The following CACNA1E variants were observed in gnomAD, a reference collection of about 807,000 sequenced individuals.
The protein encoded by CACNA1E is voltage-dependent R-type calcium channel subunit alpha-1E.
A neutral mutation model predicts 259.2 loss-of-function variants in CACNA1E; 40 were observed. The observed-to-expected ratio is 0.15, with a 90% confidence interval of 0.12 to 0.20. The LOEUF is 0.20. Ranked by LOEUF, CACNA1E falls within the 10% of genes least tolerant of loss-of-function variation. The probability of loss-of-function intolerance (pLI) is 1.00; values close to 1 mark genes in which losing one functional copy is unlikely to be tolerated. For missense variants in CACNA1E, 1,874 were observed against 3,040.1 expected, an observed-to-expected ratio of 0.62 and a Z score of 9.02; for synonymous variants, 1,104 against 1,138.5, an observed-to-expected ratio of 0.97 and a Z score of 0.61.
intron 2 of CACNA1E, among the ~76,000 whole-genome samples, chr1:181,424,556 G>A (rs1263095748): frequency 6.6e-6 from 1 of 152,238 alleles, no homozygotes; most frequent in African/African-American, 2.4e-5. Flanking sequence ...GTCCTGTACT[G>A]GGAAGGAGGG....
At chr1:181,318,292 C>T (rs115039049) in intron 1 of CACNA1E, among the ~76,000 whole-genome samples, 2,025 of 152,252 alleles carry the variant, frequency 0.013, 61 homozygotes, top group African/African-American at 0.046. Context: ...CTAACCTTCT[C>T]GGAATCTCCT....
chr1:181,743,278 A>T (rs2102614846), intron 25 of CACNA1E, among the ~76,000 whole-genome samples: 1 of 152,288 alleles, frequency 6.6e-6, no homozygotes, highest in Non-Finnish European at 1.5e-5. Flanking sequence ...GGCTGGATCT[A>T]TGAAACCTTC....
chr1:181,567,010 C>A (rs888899797), intron 3 of CACNA1E, among the ~76,000 whole-genome samples: 1 of 152,086 alleles, frequency 6.6e-6, no homozygotes, highest in African/African-American at 2.4e-5. Flanking sequence ...CAGCTCCCCA[C>A]CACCAATTGT....
chr1:181,345,929 C>T (rs551988080), intron 1 of CACNA1E, among the ~76,000 whole-genome samples: 8 of 152,200 alleles, frequency 5.3e-5, no homozygotes, highest in Non-Finnish European at 1.2e-4. Flanking sequence ...GCTTCAGCTC[C>T]CCACAACGTG....
intron 7 of CACNA1E, among the ~76,000 whole-genome samples, chr1:181,707,829 T>C (rs1293884399): frequency 6.6e-6 from 1 of 152,152 alleles, no homozygotes; most frequent in African/African-American, 2.4e-5. Flanking sequence ...AGGCCTATTC[T>C]AGTCTAGGAA....
intron 1 of CACNA1E, among the ~76,000 whole-genome samples, chr1:181,333,637 T>C (rs1651455751): frequency 6.6e-6 from 1 of 152,164 alleles, no homozygotes; most frequent in Non-Finnish European, 1.5e-5. Context: ...TAATCCATCA[T>C]TCCTTCTTCA....
chr1:181,449,541 GA>G (rs1231796532), intron 2 of CACNA1E, among the ~76,000 whole-genome samples: 1 of 152,194 alleles, frequency 6.6e-6, no homozygotes, highest in Non-Finnish European at 1.5e-5. Flanking sequence ...CCTGGCTCCT[GA>G]GGAATTTATA....
chr1:181,727,141 C>T (rs1271686506), intron 18 of CACNA1E, among the ~76,000 whole-genome samples: 1 of 152,148 alleles, frequency 6.6e-6, no homozygotes, highest in Non-Finnish European at 1.5e-5. Flanking sequence ...AGAATTAAAA[C>T]AATGATTGGG....
At chr1:181,640,328 A>C (rs1298929833) in intron 6 of CACNA1E, among the ~76,000 whole-genome samples, 1 of 152,166 alleles carries the variant, frequency 6.6e-6, no homozygotes, top group Non-Finnish European at 1.5e-5. Context: ...CACTGCATCA[A>C]CGCTGATGTA....
At position 181,798,535 on chromosome 1, in the gene CACNA1E, C is replaced by T. The variant is rs1045261629; in HGVS notation, c.6643C>T (p.His2215Tyr). The T allele has an allele frequency of 6.2e-7, 1 of 1,613,786 alleles. No homozygotes were observed. Among genetic ancestry groups the T allele is most frequent in the African/African-American group, 1.3e-5 (1 of 74,944 alleles). The change falls in exon 48 of 48, where the codon CAC (histidine) becomes TAC (tyrosine). Residue 2215 changes from histidine (H) to tyrosine (Y), a missense_variant. His to Tyr is a moderately conservative substitution (Grantham distance 83, BLOSUM62 2). Coordinates refer to ENST00000367573, the MANE Select transcript of CACNA1E (RefSeq NM_001205293.3). This position sits in a 1 kb window ranked among gnomAD's most constrained non-coding sequence, Gnocchi z 4.2. ...CCTGACCGAGTCTTCCAACTCTCCG[C>T]ACCCCCAGCAGAGCCAACATGCCTC... Reference protein sequence around the residue: ...ACLTESSNSPHPQQSQHASPQ... With the variant: ...ACLTESSNSPYPQQSQHASPQ...
chr1:181,753,148 G>A (rs1657750010), intron 27 of CACNA1E, among the ~76,000 whole-genome samples: 1 of 152,154 alleles, frequency 6.6e-6, no homozygotes, highest in South Asian at 2.1e-4. Flanking sequence ...ATCTTCAGGG[G>A]CTACACCAGA....
intron 3 of CACNA1E, among the ~76,000 whole-genome samples, chr1:181,553,221 C>T (rs992353556): frequency 6.6e-6 from 1 of 152,124 alleles, no homozygotes; most frequent in Non-Finnish European, 1.5e-5. Context: ...CTTCACATCC[C>T]TTGTTAGCTG....
Position 181,558,901 on chromosome 1 carries a change from G to GA in CACNA1E, c.513-18860dup, listed in dbSNP as rs1424464667. ...ATAGAGAAATGAAACTGTTAATAGAGAAAAAGCTATGGAGTTCCTACAAGA... is the reference window on the plus strand; with the variant it reads ...ATAGAGAAATGAAACTGTTAATAGAGAAAAAAGCTATGGAGTTCCTACAAGA... On this transcript the variant is annotated intron_variant, in intron 3 of 47. Coordinates refer to ENST00000367573, the MANE Select transcript of CACNA1E (RefSeq NM_001205293.3). Among the ~76,000 whole-genome samples, 4 of 152,302 alleles carry GA rather than the reference G, an allele frequency of 2.6e-5. No individual in the cohort carries two copies. In the East Asian group the frequency reaches 5.8e-4, roughly 22 times the overall value.
chr1:181,507,154 T>C (rs993706282), intron 1 of CACNA1E, among the ~76,000 whole-genome samples: 2 of 152,240 alleles, frequency 1.3e-5, no homozygotes, highest in Non-Finnish European at 2.9e-5. Context: ...GAATAGGGTC[T>C]TCTTAGAACC....
chr1:181,336,764 T>C (rs1484718294), intron 1 of CACNA1E, among the ~76,000 whole-genome samples: 1 of 152,172 alleles, frequency 6.6e-6, no homozygotes, highest in East Asian at 1.9e-4. Flanking sequence ...ACCAATCTAC[T>C]TTCTGTCTCT....
At chr1:181,643,596 A>G (rs1657998797) in intron 6 of CACNA1E, among the ~76,000 whole-genome samples, 1 of 152,118 alleles carries the variant, frequency 6.6e-6, no homozygotes, top group South Asian at 2.1e-4. Flanking sequence ...CTGACCGGCC[A>G]GAGCTCCTGA....
intron 3 of CACNA1E, among the ~76,000 whole-genome samples, chr1:181,568,779 G>A (rs1022160755): frequency 6.6e-6 from 1 of 152,088 alleles, no homozygotes; most frequent in African/African-American, 2.4e-5. Context: ...TATTTTCATA[G>A]AGATTCGTAG....
rs907534712 is a variant in CACNA1E at position 181,465,889 on chromosome 1, G to A, written c.435-17855G>A. On this transcript the variant is annotated intron_variant, in intron 2 of 11. Transcript: ENST00000524607. ...CTTGTTTTCCCCATGGAAATGCAGTGTACTCAGGATTGTGAGAGTAGCCTA... is the reference window on the plus strand; with the variant it reads ...CTTGTTTTCCCCATGGAAATGCAGTATACTCAGGATTGTGAGAGTAGCCTA... 3.3e-5 allele frequency among the ~76,000 whole-genome samples: 5 copies of A among 151,668 alleles called. No homozygotes were observed. The Admixed American group carries it at 3.3e-4, about 10-fold the overall frequency.
intron 2 of CACNA1E, among the ~76,000 whole-genome samples, chr1:181,434,576 C>T (rs1036622564): frequency 5.9e-5 from 9 of 152,114 alleles, no homozygotes; most frequent in Middle Eastern, 3.4e-3. Flanking sequence ...GGGTGGGCAG[C>T]GAGGAGCTTT....
Sources: allele counts gnomAD v4.1 joint callset (sites outside exome capture counted in the v4.1 genomes callset), GRCh38; gene constraint gnomAD v4.1.1; non-coding constraint Gnocchi (gnomAD v3.1); transcripts MANE v1.5; gene names NCBI Gene and HGNC (gene_info 2026-07-23, HGNC 2026-07-21).